ZNF385C: variants seen among roughly 807,000 people sequenced by gnomAD.
ZNF385C encodes the protein zinc finger protein 385C.
Under a neutral mutation model 35.4 loss-of-function variants are expected in ZNF385C, and 28 were observed. That is an observed-to-expected ratio of 0.79 (90% CI 0.59 to 1.08). ZNF385C has a LOEUF of 1.08. Among genes scored for constraint, ZNF385C ranks in the 50% least tolerant of loss-of-function variants. The pLI is 0.00. For synonymous variants in ZNF385C, 248 were observed against 248.2 expected (o/e 1.00, Z 0.01); for missense variants, 605 against 595.6 (o/e 1.02, Z -0.16).
intron 1 of ZNF385C, among the ~76,000 whole-genome samples, chr17:42,081,721 CTG>C (rs1330027677): frequency 3.9e-5 from 6 of 152,084 alleles, no homozygotes; most frequent in Non-Finnish European, 7.4e-5. Flanking sequence ...CAGCCTGAGA[CTG>C]TAAAATTCTG....
intron 1 of ZNF385C, among the ~76,000 whole-genome samples, chr17:42,069,942 T>G (rs1451721625): frequency 1.3e-5 from 2 of 152,164 alleles, no homozygotes; most frequent in Non-Finnish European, 2.9e-5. Flanking sequence ...CTCGGGAGGC[T>G]GAGGCAGGAG....
intron 3 of ZNF385C, 122 bp downstream of exon 3, chr17:42,037,615 G>C: frequency 8.1e-7 from 1 of 1,238,076 alleles, no homozygotes; most frequent in Admixed American, 3.3e-5. Context: ...TCCCCTCTGG[G>C]GGATGTTGGA....
chr17:42,050,105 A>G lies in ZNF385C; in HGVS notation c.251-12220T>C, dbSNP rs1398481812. On this transcript the variant is annotated intron_variant, in intron 2 of 8. Transcript: ENST00000692273. The surrounding 1 kb of genome is among the most constrained non-coding windows in gnomAD (Gnocchi z 5.6). ...TGTGACCAAGGCTGACCAGGAGGGCACACTTGCTGCAGACACAGGTCTCCT... is the reference window on the plus strand; with the variant it reads ...TGTGACCAAGGCTGACCAGGAGGGCGCACTTGCTGCAGACACAGGTCTCCT... Among the ~76,000 whole-genome samples, 1 of 152,204 alleles carries G rather than the reference A, an allele frequency of 6.6e-6. No individual in the cohort carries two copies. Among genetic ancestry groups the G allele is most frequent in the East Asian group, 1.9e-4 (1 of 5,192 alleles).
intron 2 of ZNF385C, among the ~76,000 whole-genome samples, chr17:42,049,667 G>C (rs1274732360): frequency 3.3e-5 from 5 of 152,236 alleles, no homozygotes; most frequent in African/African-American, 1.2e-4. Context: ...AAAGCAAGGT[G>C]ATGCCCTTCT....
intron 1 of ZNF385C, among the ~76,000 whole-genome samples, chr17:42,093,129 G>A (rs989185434): frequency 2.6e-5 from 4 of 152,224 alleles, no homozygotes; most frequent in Non-Finnish European, 4.4e-5. Flanking sequence ...GAGGTGGGGA[G>A]GCCAGGAGAG....
At chr17:42,040,087 G>A in intron 2 of ZNF385C, 2 of 1,231,308 alleles carry the variant, frequency 1.6e-6, no homozygotes, top group Non-Finnish European at 1.0e-6. Flanking sequence ...CACGGCAGGA[G>A]CAAAGCCGCG....
chr17:42,068,333 G>A (rs2053577225), intron 1 of ZNF385C, among the ~76,000 whole-genome samples: 1 of 152,218 alleles, frequency 6.6e-6, no homozygotes, highest in African/African-American at 2.4e-5. Context: ...GGGAAACTGA[G>A]TTCCAGAGCA....
At chr17:42,055,795 G>T (rs949572678) in intron 2 of ZNF385C, among the ~76,000 whole-genome samples, 2 of 152,142 alleles carry the variant, frequency 1.3e-5, no homozygotes, top group Non-Finnish European at 2.9e-5. Context: ...GATCTCTGGG[G>T]CCCAGGATGC....
chr17:42,032,282 G>C (rs978556718), intron 4 of ZNF385C, among the ~76,000 whole-genome samples: 5 of 151,980 alleles, frequency 3.3e-5, no homozygotes, highest in Admixed American at 6.6e-5. Flanking sequence ...GGATGGTCTC[G>C]ATCTCCTGCC....
chr17:42,030,351 G>A (rs2052698749), intron 5 of ZNF385C, among the ~76,000 whole-genome samples: 1 of 152,110 alleles, frequency 6.6e-6, no homozygotes, highest in East Asian at 1.9e-4. Flanking sequence ...AGCTGGACGT[G>A]GTGGCAGGTA....
chr17:42,034,424 T>C (rs1329226595), intron 3 of ZNF385C, 89 bp from the exon 4 acceptor site: 2 of 866,210 alleles, frequency 2.3e-6, no homozygotes, highest in Non-Finnish European at 3.6e-6. Context: ...AAACTAAAGA[T>C]GACTGAAGAG....
At chr17:42,078,283 A>C (rs1346254048) in intron 1 of ZNF385C, among the ~76,000 whole-genome samples, 1 of 152,046 alleles carries the variant, frequency 6.6e-6, no homozygotes, top group Non-Finnish European at 1.5e-5. Context: ...CCTACTAACC[A>C]GTCGCACTTT....
intron 1 of ZNF385C, among the ~76,000 whole-genome samples, chr17:42,082,619 G>A (rs1555659811): frequency 1.3e-5 from 2 of 152,216 alleles, no homozygotes; most frequent in South Asian, 2.1e-4. Context: ...GCTCCAGGAC[G>A]CCCTTTCCAT....
intron 2 of ZNF385C, among the ~76,000 whole-genome samples, chr17:42,045,004 G>A (rs551659096): frequency 3.3e-4 from 49 of 146,828 alleles, no homozygotes; most frequent in African/African-American, 1.2e-3. Context: ...TGCAAGCTCT[G>A]CCTCCCGGGT....
intron 1 of ZNF385C, among the ~76,000 whole-genome samples, chr17:42,074,503 T>C (rs2053664153): frequency 6.6e-6 from 1 of 152,084 alleles, no homozygotes; most frequent in Non-Finnish European, 1.5e-5. Flanking sequence ...GTGATTCTCC[T>C]GCCTCAGCCT....
chr17:42,072,293 C>A (rs960711310), intron 1 of ZNF385C, among the ~76,000 whole-genome samples: 1 of 152,100 alleles, frequency 6.6e-6, no homozygotes, highest in South Asian at 2.1e-4. Flanking sequence ...GGGAGTCTCA[C>A]CCTGTACTCC....
intron 2 of ZNF385C, among the ~76,000 whole-genome samples, chr17:42,056,778 T>C (rs1306602236): frequency 1.3e-5 from 2 of 152,282 alleles, no homozygotes; most frequent in Non-Finnish European, 2.9e-5. Flanking sequence ...CCCCTTTCAC[T>C]TGGCTGTCAT....
rs2143927624 is a variant in ZNF385C at position 42,080,876 on chromosome 17, G to T, written c.-3+17534C>A. ...GGCCTTGGCTGGAAGGCAGGGGAGGGTGAAGGACAGAGCATGAGCTCCAGG... is the reference window on the plus strand; with the variant it reads ...GGCCTTGGCTGGAAGGCAGGGGAGGTTGAAGGACAGAGCATGAGCTCCAGG... On this transcript the variant is annotated intron_variant, in intron 1 of 8. Transcript: ENST00000692273. 2.6e-5 allele frequency among the ~76,000 whole-genome samples: 4 copies of T among 152,306 alleles called. No individual in the cohort carries two copies. The Middle Eastern group carries it at 0.014, about 518-fold the overall frequency.
In ZNF385C at chr17:42,095,997, C is replaced by G. The variant is rs2053913195; in HGVS notation, c.-3+2413G>C. 6.6e-6 allele frequency among the ~76,000 whole-genome samples: 1 copy of G among 152,206 alleles called. No individual in the cohort carries two copies. The highest frequency in any genetic ancestry group is 2.4e-5 in the African/African-American group (1 of 41,446). On this transcript the variant is annotated intron_variant, in intron 1 of 8. Coordinates refer to ENST00000692273, the MANE Select transcript of ZNF385C (RefSeq NM_001392013.1). This position sits in a 1 kb window ranked among gnomAD's most constrained non-coding sequence, Gnocchi z 4.4. Reference sequence around the variant, plus strand: ...TGACAAATACACCTTCATTAACAACCTGGAGGACCAGATACAAATTTGGAT... The same window carrying G: ...TGACAAATACACCTTCATTAACAACGTGGAGGACCAGATACAAATTTGGAT...
Sources: allele counts gnomAD v4.1 joint callset (sites outside exome capture counted in the v4.1 genomes callset), GRCh38; gene constraint gnomAD v4.1.1; non-coding constraint Gnocchi (gnomAD v3.1); transcripts MANE v1.5; gene names NCBI Gene and HGNC (gene_info 2026-07-23, HGNC 2026-07-21).